Variants in STAG1 observed in about 807,000 individuals in gnomAD.
The protein encoded by STAG1 is cohesin subunit SA-1.
In STAG1, 26 loss-of-function variants were observed where a neutral mutation model predicts 170.9. That is an observed-to-expected ratio of 0.15 (90% CI 0.11 to 0.21). The LOEUF is 0.21. Among genes scored for constraint, STAG1 ranks in the 10% least tolerant of loss-of-function variants. The probability of loss-of-function intolerance (pLI) is 1.00; values close to 1 mark genes in which losing one functional copy is unlikely to be tolerated. For synonymous variants in STAG1, 514 were observed against 497.7 expected, an observed-to-expected ratio of 1.03 and a Z score of -0.44; for missense variants, 964 against 1,509.5, an observed-to-expected ratio of 0.64 and a Z score of 5.99.
chr3:136,698,393 C>T (rs1000181612), intron 1 of STAG1, among the ~76,000 whole-genome samples: 14 of 152,084 alleles, frequency 9.2e-5, no homozygotes, highest in African/African-American at 3.4e-4. Flanking sequence ...TGAAAAAATG[C>T]TCAACATCAC....
At chr3:136,463,317 T>G (rs775993283) in intron 13 of STAG1, among the ~76,000 whole-genome samples, 2 of 152,120 alleles carry the variant, frequency 1.3e-5, no homozygotes, top group African/African-American at 4.8e-5. Context: ...AGAGAACAAT[T>G]TGTTATTGTA....
intron 9 of STAG1, among the ~76,000 whole-genome samples, chr3:136,490,496 T>A (rs2090104299): frequency 6.6e-6 from 1 of 152,222 alleles, no homozygotes; most frequent in African/African-American, 2.4e-5. Context: ...TCTGTTACCC[T>A]GCATTACGCC....
intron 1 of STAG1, among the ~76,000 whole-genome samples, chr3:136,688,548 C>T (rs1166690845): frequency 1.3e-5 from 2 of 152,064 alleles, no homozygotes; most frequent in East Asian, 1.9e-4. Flanking sequence ...CATGTCACCG[C>T]GCCCAGCTAA....
chr3:136,612,172 T>C (rs531096168), intron 3 of STAG1, among the ~76,000 whole-genome samples: 2 of 152,284 alleles, frequency 1.3e-5, no homozygotes, highest in South Asian at 2.1e-4. Flanking sequence ...TATATGGCTA[T>C]ATGTTCGGAT....
At chr3:136,577,114 A>G (rs1048558704) in intron 4 of STAG1, among the ~76,000 whole-genome samples, 6 of 152,248 alleles carry the variant, frequency 3.9e-5, no homozygotes, top group Middle Eastern at 3.2e-3. Context: ...TGCTGAATTT[A>G]GGAATTACGG....
intron 1 of STAG1, among the ~76,000 whole-genome samples, chr3:136,729,570 CTTTT>C (rs34078029): frequency 7.4e-5 from 7 of 94,664 alleles, no homozygotes; most frequent in Admixed American, 2.7e-4. Flanking sequence ...TGTAGTTTTC[CTTTT>C]TTTTTTTTTT....
rs1328865009 is a variant in STAG1 at position 136,338,112 on chromosome 3, C to A, written c.*142G>T. On this transcript the variant is annotated 3_prime_UTR_variant, in exon 34 of 34. Transcript: ENST00000383202. The stretch of plus-strand genomic sequence containing the variant: ...TTTACATGCTCCTCTTCTGTCACTG[C>A]AAAAAGGGATTGACCTTAATCATTT... 9 of 624,996 alleles carry A rather than the reference C, an allele frequency of 1.4e-5. No individual in the cohort carries two copies. The highest frequency in any genetic ancestry group is 2.6e-5 in the Non-Finnish European group (9 of 350,822). 38.7% of individuals were successfully genotyped at this position (624,996 alleles called of 1,614,324 possible).
rs1329140066 is a variant in STAG1 at position 136,721,373 on chromosome 3, C to T, written c.-84+30822G>A. The T allele has an allele frequency of 2.0e-5, 3 of 151,762 alleles. No homozygotes were observed. The East Asian group carries it at 5.8e-4, about 29-fold the overall frequency. The allele number at this position is 151,762 out of a possible 1,614,324, so 9.4% of individuals were successfully genotyped here. On this transcript the variant is annotated intron_variant, in intron 1 of 33. Coordinates refer to ENST00000383202, the MANE Select transcript of STAG1 (RefSeq NM_005862.3). Reference sequence around the variant, plus strand: ...TATATGTAAACGAAAATAATGAAGCCCCTTATCTTAGAATCTTGTTGAATA... The same window carrying T: ...TATATGTAAACGAAAATAATGAAGCTCCTTATCTTAGAATCTTGTTGAATA...
At chr3:136,669,890 T>C (rs1941926608) in intron 1 of STAG1, among the ~76,000 whole-genome samples, 2 of 152,260 alleles carry the variant, frequency 1.3e-5, no homozygotes, top group Admixed American at 6.5e-5. Flanking sequence ...ATTTGATATA[T>C]GAATTTACTC....
At chr3:136,726,360 A>G (rs1200872806) in intron 1 of STAG1, among the ~76,000 whole-genome samples, 1 of 152,170 alleles carries the variant, frequency 6.6e-6, no homozygotes, top group African/African-American at 2.4e-5. Flanking sequence ...GACAATCAAA[A>G]ATCTAGACAT....
chr3:136,465,829 A>G (rs1481534761), intron 12 of STAG1, among the ~76,000 whole-genome samples: 1 of 152,258 alleles, frequency 6.6e-6, no homozygotes, highest in Middle Eastern at 3.4e-3. Flanking sequence ...TAACCTACTA[A>G]CTAATGCATA....
At chr3:136,355,351 TAAAAAAAAAAAAAA>T (rs370605205) in intron 28 of STAG1, among the ~76,000 whole-genome samples, 7 of 29,966 alleles carry the variant, frequency 2.3e-4, no homozygotes, top group African/African-American at 4.4e-4. Flanking sequence ...GACTCCATCT[TAAAAAAAAAAAAAA>T]AAAAAAAAAA....
In STAG1 at chr3:136,545,714, G is replaced by GA. The variant is rs796628838; in HGVS notation, c.395-3520dup. 1.5e-3 allele frequency among the ~76,000 whole-genome samples: 219 copies of GA among 145,314 alleles called. 1 individual carries two copies. The highest frequency in any genetic ancestry group is 4.0e-3 in the East Asian group (20 of 4,998). ...CTGTCTAAACAGTATGTGCAAAAAG[G>GA]AAAAAAAAAACCCTCACAAATTATG... On this transcript the variant is annotated intron_variant, in intron 5 of 33. Transcript: ENST00000383202.
At chr3:136,417,997 T>C (rs539112854) in intron 20 of STAG1, 25 bp from the exon 21 acceptor site, 1 of 1,540,238 alleles carries the variant, frequency 6.5e-7, no homozygotes, top group South Asian at 1.1e-5. Context: ...AATGCATCTG[T>C]TTTATTCTAG....
chr3:136,374,516 C>G (rs1576402761), intron 23 of STAG1, among the ~76,000 whole-genome samples: 1 of 151,822 alleles, frequency 6.6e-6, no homozygotes, highest in Non-Finnish European at 1.5e-5. Context: ...ACTAGGGAGG[C>G]TGAGGCAGGA....
At chr3:136,469,532 T>A (rs2089565846) in intron 12 of STAG1, among the ~76,000 whole-genome samples, 2 of 152,196 alleles carry the variant, frequency 1.3e-5, no homozygotes, top group Admixed American at 6.5e-5. Flanking sequence ...ATAGGAATAA[T>A]CAATATCGTG....
At chr3:136,632,156 A>C (rs555445153) in intron 1 of STAG1, among the ~76,000 whole-genome samples, 75 of 152,342 alleles carry the variant, frequency 4.9e-4, no homozygotes, top group Non-Finnish European at 3.2e-4. Flanking sequence ...TTACATACCA[A>C]GTGATAATCT....
intron 3 of STAG1, among the ~76,000 whole-genome samples, chr3:136,614,460 C>G (rs1939477351): frequency 6.6e-6 from 1 of 152,086 alleles, no homozygotes. Flanking sequence ...TATAGGAAAG[C>G]AAACCTGAAA....
intron 1 of STAG1, among the ~76,000 whole-genome samples, chr3:136,643,729 A>G (rs1454838071): frequency 6.6e-6 from 1 of 152,060 alleles, no homozygotes; most frequent in Non-Finnish European, 1.5e-5. Flanking sequence ...AGCTGGTCTC[A>G]AACTCCTGAG....
Sources: allele counts gnomAD v4.1 joint callset (sites outside exome capture counted in the v4.1 genomes callset), GRCh38; gene constraint gnomAD v4.1.1; transcripts MANE v1.5; gene names NCBI Gene and HGNC (gene_info 2026-07-23, HGNC 2026-07-21).